TANC2: variants seen among roughly 807,000 people sequenced by gnomAD.
The protein encoded by TANC2 is tetratricopeptide repeat, ankyrin repeat and coiled-coil containing 2.
A neutral mutation model predicts 210.5 loss-of-function variants in TANC2; 26 were observed. That is an observed-to-expected ratio of 0.12 (90% CI 0.09 to 0.17). The LOEUF (loss-of-function observed/expected upper bound fraction) is 0.17, where lower values mean the gene tolerates loss of function less well. Among genes scored for constraint, TANC2 ranks in the 10% least tolerant of loss-of-function variants. The pLI is 1.00. For missense variants in TANC2, 2,129 were observed against 2,608.9 expected (o/e 0.82, Z 4.01); for synonymous variants, 931 against 967.1 (o/e 0.96, Z 0.69).
At position 63,348,542 on chromosome 17, in the gene TANC2, A is replaced by G. The variant is rs981112619; in HGVS notation, c.1808-2708A>G. 9.6e-5 allele frequency among the ~76,000 whole-genome samples: 14 copies of G among 146,146 alleles called. No individual in the cohort carries two copies. In the East Asian group the frequency reaches 2.5e-3, roughly 26 times the overall value. On this transcript the variant is annotated intron_variant, in intron 12 of 27. Coordinates refer to ENST00000689528, the Ensembl canonical transcript of TANC2. ...AAAATAGCAACAGCTCAGAATTTGT[A>G]TGGATGTAGATATAATGTAGTTTTC...
intron 2 of TANC2, among the ~76,000 whole-genome samples, chr17:63,030,765 G>A (rs1471910366): frequency 6.6e-6 from 1 of 152,024 alleles, no homozygotes; most frequent in African/African-American, 2.4e-5. Flanking sequence ...CGTTCTTTTA[G>A]CATGAAATAA....
intron 2 of TANC2, among the ~76,000 whole-genome samples, chr17:63,049,706 A>ATT (rs968733618): frequency 4.6e-5 from 7 of 152,168 alleles, no homozygotes; most frequent in African/African-American, 1.7e-4. Context: ...TTAATGATCT[A>ATT]TTTTGTGTTT....
At chr17:63,079,289 C>G (rs752505796) in intron 3 of TANC2, among the ~76,000 whole-genome samples, 2 of 152,084 alleles carry the variant, frequency 1.3e-5, no homozygotes, top group Non-Finnish European at 2.9e-5. Flanking sequence ...GTGTGTAGCT[C>G]CAGGATTTGG....
chr17:63,354,863 G>A (rs904668924), exon 14 of TANC2: 1 of 1,613,616 alleles, frequency 6.2e-7, no homozygotes, highest in Admixed American at 1.7e-5. Flanking sequence ...AGGACCTGCA[G>A]GCTTACATCC....
intron 2 of TANC2, among the ~76,000 whole-genome samples, chr17:63,031,767 TGC>T (rs1193002559): frequency 6.6e-6 from 1 of 152,194 alleles, no homozygotes; most frequent in Non-Finnish European, 1.5e-5. Flanking sequence ...CAGATTATAC[TGC>T]CTGTAATAAA....
chr17:63,321,861 T>C (rs1363863837), intron 11 of TANC2, among the ~76,000 whole-genome samples: 15 of 152,176 alleles, frequency 9.9e-5, no homozygotes, highest in Admixed American at 9.8e-4. Flanking sequence ...GATGGGAATC[T>C]GGGGATCTAA....
At chr17:62,972,195 G>A (rs758897379) in intron 1 of TANC2, among the ~76,000 whole-genome samples, 2 of 152,064 alleles carry the variant, frequency 1.3e-5, no homozygotes, top group African/African-American at 2.4e-5. Context: ...TATAAATTAT[G>A]TGAAAGCTGT....
chr17:63,273,703 C>T (rs1398032544), intron 9 of TANC2, among the ~76,000 whole-genome samples: 3 of 152,210 alleles, frequency 2.0e-5, no homozygotes, highest in Non-Finnish European at 4.4e-5. Flanking sequence ...AATCCAACTA[C>T]TTTTCACCTC....
intron 14 of TANC2, among the ~76,000 whole-genome samples, chr17:63,364,612 G>A (rs995131933): frequency 6.6e-6 from 1 of 152,118 alleles, no homozygotes; most frequent in Admixed American, 6.5e-5. Context: ...TAAATGCTTA[G>A]CGTTTACTTA....
intron 2 of TANC2, among the ~76,000 whole-genome samples, chr17:63,036,240 TTTC>T (rs1167480459): frequency 6.6e-6 from 1 of 152,214 alleles, no homozygotes; most frequent in Non-Finnish European, 1.5e-5. Flanking sequence ...TTCTCCTGTG[TTTC>T]TTCTGAAAGT....
intron 7 of TANC2, among the ~76,000 whole-genome samples, chr17:63,213,681 C>T (rs917659599): frequency 1.1e-4 from 16 of 152,040 alleles, no homozygotes; most frequent in Admixed American, 1.0e-3. Context: ...GGGGAAGGTG[C>T]AACATTGTAT....
At chr17:63,260,260 A>G (rs570264647) in intron 8 of TANC2, among the ~76,000 whole-genome samples, 2 of 152,228 alleles carry the variant, frequency 1.3e-5, no homozygotes, top group Non-Finnish European at 2.9e-5. Context: ...AAATGAGAGG[A>G]TCTGAATAGA....
In TANC2 at chr17:63,013,959, T is replaced by A. The variant is rs893240232; in HGVS notation, c.67+4333T>A. 1.6e-4 allele frequency among the ~76,000 whole-genome samples: 25 copies of A among 152,142 alleles called. No homozygotes were observed. In the South Asian group the frequency reaches 4.2e-3, roughly 25 times the overall value. On this transcript the variant is annotated intron_variant, in intron 2 of 27. Coordinates refer to ENST00000689528, the Ensembl canonical transcript of TANC2. ...ATACAATTGATAGACCATACGCATATCATCTCTGACTCTTAACATTTTCTC... is the reference window on the plus strand; with the variant it reads ...ATACAATTGATAGACCATACGCATAACATCTCTGACTCTTAACATTTTCTC...
At chr17:63,053,134 A>C (rs1237848495) in intron 2 of TANC2, among the ~76,000 whole-genome samples, 1 of 152,110 alleles carries the variant, frequency 6.6e-6, no homozygotes, top group Non-Finnish European at 1.5e-5. Context: ...CTCTTCATAT[A>C]ATCTTTGAAA....
intron 7 of TANC2, 120 bp downstream of exon 7, chr17:63,201,077 T>G (rs1425089422): frequency 3.5e-6 from 3 of 846,186 alleles, no homozygotes; most frequent in East Asian, 2.8e-5. Flanking sequence ...TATAAAACTT[T>G]CCTGGTCTTT....
intron 19 of TANC2, among the ~76,000 whole-genome samples, chr17:63,401,266 G>A (rs2048335331): frequency 6.6e-6 from 1 of 152,146 alleles, no homozygotes; most frequent in Non-Finnish European, 1.5e-5. Context: ...CTGCAACCAG[G>A]ACCTAAGTGA....
At chr17:63,002,531 A>G (rs190991911) in intron 1 of TANC2, among the ~76,000 whole-genome samples, 48 of 152,318 alleles carry the variant, frequency 3.2e-4, no homozygotes, top group African/African-American at 1.2e-3. Flanking sequence ...TTAAGCATGA[A>G]TATCATTAAG....
At chr17:63,178,070 G>A (rs547964197) in intron 5 of TANC2, among the ~76,000 whole-genome samples, 91 of 152,300 alleles carry the variant, frequency 6.0e-4, no homozygotes, top group African/African-American at 2.0e-3. Context: ...GGTGGCTCAC[G>A]CCCGTAATCC....
exon 28 of TANC2, chr17:63,424,382 AGCT>A (rs2049096345): frequency 6.6e-6 from 1 of 152,108 alleles, no homozygotes; most frequent in Non-Finnish European, 1.5e-5. Flanking sequence ...TGCCAACCAG[AGCT>A]TGTTGGGGCA....
Sources: gnomAD v4.1 joint callset for allele counts (sites outside exome capture counted in the v4.1 genomes callset) on GRCh38, gnomAD v4.1.1 for gene constraint, MANE v1.5 for transcripts, NCBI Gene and HGNC (gene_info 2026-07-23, HGNC 2026-07-21) for gene names.